The following ENOX1 variants were observed in gnomAD, a reference collection of about 807,000 sequenced individuals.
ENOX1 encodes candidate growth-related and time keeping constitutive hydroquinone (NADH) oxidase.
In ENOX1, 42 loss-of-function variants were observed where a neutral mutation model predicts 82.5. That is an observed-to-expected ratio of 0.51 (90% CI 0.40 to 0.66). ENOX1 has a LOEUF of 0.66. Ranked by LOEUF, ENOX1 falls within the 30% of genes least tolerant of loss-of-function variation. The pLI is 0.00. For synonymous variants in ENOX1, 271 were observed against 282.2 expected (o/e 0.96, Z 0.40); for missense variants, 608 against 811.6 (o/e 0.75, Z 3.05).
At chr13:43,263,586 A>G (rs1275424171) in intron 14 of ENOX1, among the ~76,000 whole-genome samples, 1 of 152,252 alleles carries the variant, frequency 6.6e-6, no homozygotes, top group Non-Finnish European at 1.5e-5. Context: ...CTGTCTATAC[A>G]TGTATCATCT....
chr13:43,244,737 G>A (rs537461212), intron 14 of ENOX1, among the ~76,000 whole-genome samples: 2 of 152,192 alleles, frequency 1.3e-5, no homozygotes, highest in East Asian at 1.9e-4. Context: ...TGGGACAGTC[G>A]ACAAGATCTA....
intron 1 of ENOX1, among the ~76,000 whole-genome samples, chr13:43,676,490 G>C (rs1404918153): frequency 6.6e-6 from 1 of 152,186 alleles, no homozygotes; most frequent in Non-Finnish European, 1.5e-5. Context: ...AAGTCTGAAA[G>C]AGAAACAGTG....
intron 2 of ENOX1, among the ~76,000 whole-genome samples, chr13:43,618,598 T>C (rs577250364): frequency 6.6e-6 from 1 of 152,342 alleles, no homozygotes; most frequent in South Asian, 2.1e-4. Flanking sequence ...CATTGGTCTA[T>C]GTGCCTATTT....
chr13:43,716,381 A>T (rs2088133400), intron 1 of ENOX1, among the ~76,000 whole-genome samples: 1 of 152,158 alleles, frequency 6.6e-6, no homozygotes, highest in Non-Finnish European at 1.5e-5. Context: ...GCGGTGGCTC[A>T]GATGGAAATG....
chr13:43,457,230 AGTTT>A (rs1434214480), intron 3 of ENOX1, among the ~76,000 whole-genome samples: 4 of 152,172 alleles, frequency 2.6e-5, no homozygotes, highest in African/African-American at 9.6e-5. Context: ...GTTTTGGTCT[AGTTT>A]GTTTGTCCAG....
At chr13:43,715,635 G>A (rs570975054) in intron 1 of ENOX1, among the ~76,000 whole-genome samples, 24 of 152,138 alleles carry the variant, frequency 1.6e-4, no homozygotes, top group African/African-American at 5.5e-4. Flanking sequence ...TTTTCACATA[G>A]TCCCATATTT....
chr13:43,726,783 C>T (rs368792874), intron 1 of ENOX1, among the ~76,000 whole-genome samples: 2 of 149,486 alleles, frequency 1.3e-5, no homozygotes, highest in African/African-American at 2.5e-5. Context: ...ACTGTGTCAC[C>T]CAGGCTGGAG....
intron 5 of ENOX1, among the ~76,000 whole-genome samples, chr13:43,387,196 A>G (rs907715410): frequency 2.6e-5 from 4 of 152,212 alleles, no homozygotes; most frequent in African/African-American, 9.7e-5. Flanking sequence ...AGGTAAAGAA[A>G]GAAGTTACTT....
intron 2 of ENOX1, among the ~76,000 whole-genome samples, chr13:43,560,952 G>T (rs2079641641): frequency 6.6e-6 from 1 of 152,054 alleles, no homozygotes; most frequent in African/African-American, 2.4e-5. Flanking sequence ...CAAAGTGGTT[G>T]CTCCTTGTAT....
intron 2 of ENOX1, among the ~76,000 whole-genome samples, chr13:43,622,183 C>T (rs989498772): frequency 4.6e-5 from 7 of 152,318 alleles, no homozygotes; most frequent in East Asian, 3.9e-4. Context: ...CATTGGGCTT[C>T]ACCTTTCTCT....
chr13:43,724,555 C>A (rs1298317214), intron 1 of ENOX1, among the ~76,000 whole-genome samples: 1 of 152,178 alleles, frequency 6.6e-6, no homozygotes, highest in Admixed American at 6.5e-5. Context: ...TACTCATTTG[C>A]GTATCTTCCC....
intron 1 of ENOX1, among the ~76,000 whole-genome samples, chr13:43,754,893 T>C: frequency 6.6e-6 from 1 of 152,212 alleles, no homozygotes; most frequent in Non-Finnish European, 1.5e-5. Context: ...CTCTAAAATC[T>C]GCATATTAAT....
intron 5 of ENOX1, among the ~76,000 whole-genome samples, chr13:43,367,046 T>C (rs923876900): frequency 3.3e-5 from 5 of 152,174 alleles, no homozygotes; most frequent in African/African-American, 1.2e-4. Flanking sequence ...TTGACAAACA[T>C]ATGAGTGCCT....
chr13:43,247,866 TATATATATA>T (rs2043202664), intron 14 of ENOX1, among the ~76,000 whole-genome samples: 6 of 2,338 alleles, frequency 2.6e-3, no homozygotes, highest in African/African-American at 3.7e-3. Context: ...TATATATATA[TATATATATA>T]TATATATATT....
At chr13:43,386,010 A>G (rs1342000644) in intron 5 of ENOX1, among the ~76,000 whole-genome samples, 2 of 152,154 alleles carry the variant, frequency 1.3e-5, no homozygotes, top group African/African-American at 4.8e-5. Flanking sequence ...TACTAAAAAT[A>G]CAAAAATTAG....
At chr13:43,655,795 T>C (rs1215741948) in intron 2 of ENOX1, among the ~76,000 whole-genome samples, 2 of 152,158 alleles carry the variant, frequency 1.3e-5, no homozygotes, top group Non-Finnish European at 2.9e-5. Flanking sequence ...AACTCTTTGC[T>C]CTCATTACCT....
chr13:43,711,017 C>T (rs1378113454), intron 1 of ENOX1, among the ~76,000 whole-genome samples: 1 of 151,610 alleles, frequency 6.6e-6, no homozygotes, highest in Non-Finnish European at 1.5e-5. Flanking sequence ...CTGCTGCACC[C>T]ACTAACTCAT....
intron 2 of ENOX1, chr13:43,609,837 C>G: frequency 2.8e-6 from 2 of 705,198 alleles, no homozygotes; most frequent in Non-Finnish European, 3.5e-6. Context: ...TTTAAAAGGA[C>G]CATTACAAAA....
chr13:43,612,877 C>CA (rs2082256646), intron 2 of ENOX1, among the ~76,000 whole-genome samples: 1 of 152,120 alleles, frequency 6.6e-6, no homozygotes, highest in African/African-American at 2.4e-5. Flanking sequence ...ATCATATCAA[C>CA]AAAATGTATT....
Sources: allele counts gnomAD v4.1 joint callset (sites outside exome capture counted in the v4.1 genomes callset), GRCh38; gene constraint gnomAD v4.1.1; transcripts MANE v1.5; gene names NCBI Gene and HGNC (gene_info 2026-07-23, HGNC 2026-07-21).